The following ASCC3 variants were observed in gnomAD, a reference collection of about 807,000 sequenced individuals.
The protein encoded by ASCC3 is ASC-1 complex subunit P200.
Under a neutral mutation model 256.3 loss-of-function variants are expected in ASCC3, and 158 were observed. That is an observed-to-expected ratio of 0.62 (90% CI 0.54 to 0.70). ASCC3 has a LOEUF of 0.70. ASCC3 is among the 30% of genes least tolerant of loss of function. The pLI is 0.00. For synonymous variants in ASCC3, 948 were observed against 883.4 expected (o/e 1.07, Z -1.30); for missense variants, 2,259 against 2,626.0 (o/e 0.86, Z 3.05).
chr6:100,706,389 C>T (rs1778582500), intron 13 of ASCC3, among the ~76,000 whole-genome samples: 1 of 150,144 alleles, frequency 6.7e-6, no homozygotes, highest in Non-Finnish European at 1.5e-5. Flanking sequence ...CTTTGTTGAC[C>T]TTCTAATACA....
chr6:100,584,567 C>T (rs992897946), intron 36 of ASCC3, among the ~76,000 whole-genome samples: 1 of 152,136 alleles, frequency 6.6e-6, no homozygotes, highest in East Asian at 1.9e-4. Flanking sequence ...TTAATTGGAA[C>T]ATTTAGTCCA....
At chr6:100,781,315 A>C (rs9399691) in intron 8 of ASCC3, among the ~76,000 whole-genome samples, 143,172 of 152,232 alleles carry the variant, frequency 0.94, 67,645 homozygotes, top group South Asian at 0.99. Context: ...TTATTCACTG[A>C]AGTTGCCGCC....
chr6:100,639,465 A>G (rs1442596694), intron 24 of ASCC3, among the ~76,000 whole-genome samples: 1 of 152,200 alleles, frequency 6.6e-6, no homozygotes, highest in Non-Finnish European at 1.5e-5. Context: ...TACACCCTTG[A>G]ATTCAACAGA....
At chr6:100,756,631 T>C (rs986364902) in intron 10 of ASCC3, among the ~76,000 whole-genome samples, 2 of 152,116 alleles carry the variant, frequency 1.3e-5, no homozygotes, top group Non-Finnish European at 2.9e-5. Context: ...ACTAAGGGAA[T>C]TGAATGATGA....
intron 30 of ASCC3, among the ~76,000 whole-genome samples, chr6:100,609,353 CT>C (rs564119300): frequency 1.8e-3 from 266 of 151,878 alleles, no homozygotes; most frequent in African/African-American, 6.1e-3. Flanking sequence ...TAAATACTTC[CT>C]TATCTTACTT....
intron 1 of ASCC3, among the ~76,000 whole-genome samples, chr6:100,872,003 A>C (rs570723041): frequency 1.3e-5 from 2 of 152,326 alleles, no homozygotes; most frequent in African/African-American, 4.8e-5. Context: ...ACCCACACTG[A>C]GACACTGCAA....
In ASCC3 at chr6:100,629,113, G is replaced by C. The variant is rs777644410; in HGVS notation, c.4277C>G (p.Thr1426Ser). The change falls in exon 27 of 42, where the codon ACT (threonine) becomes AGT (serine). Residue 1426 changes from threonine (T) to serine (S), a missense_variant. Around this residue, in one of 2 missense-constraint regions of ASCC3, gnomAD observed 1,839 missense variants for 2,206.7 expected, o/e 0.83. Coordinates refer to ENST00000369162, the MANE Select transcript of ASCC3 (RefSeq NM_006828.4). Reference protein sequence around the residue: ...KSIAKADLIVTTPEKWDGVSR... With the variant: ...KSIAKADLIVSTPEKWDGVSR... ...GACTCCATCCCACTTCTCTGGCGTA[G>C]TGACGATAAGGTCAGCCTTGGCAAT... The C allele has an allele frequency of 3.4e-5, 55 of 1,613,666 alleles. No individual in the cohort carries two copies. Among genetic ancestry groups the C allele is most frequent in the Non-Finnish European group, 4.5e-5 (53 of 1,179,888 alleles).
chr6:100,782,885 T>C (rs1056398589), intron 8 of ASCC3, among the ~76,000 whole-genome samples: 7 of 151,894 alleles, frequency 4.6e-5, no homozygotes, highest in African/African-American at 9.7e-5. Flanking sequence ...AAAGAATACA[T>C]AAAATTAAAT....
intron 37 of ASCC3, among the ~76,000 whole-genome samples, chr6:100,527,249 T>C (rs1449316055): frequency 6.6e-6 from 1 of 152,186 alleles, no homozygotes; most frequent in South Asian, 2.1e-4. Flanking sequence ...CCCATCTTTT[T>C]CTCAAAATGA....
At chr6:100,735,227 T>C (rs1027082563) in intron 10 of ASCC3, among the ~76,000 whole-genome samples, 1 of 152,162 alleles carries the variant, frequency 6.6e-6, no homozygotes, top group African/African-American at 2.4e-5. Context: ...AAGACTCCAA[T>C]ATCCATTTTC....
intron 8 of ASCC3, among the ~76,000 whole-genome samples, chr6:100,770,546 AAAAT>A (rs1781867972): frequency 6.6e-6 from 1 of 152,000 alleles, no homozygotes; most frequent in Non-Finnish European, 1.5e-5. Context: ...AAGGAAGAAA[AAAAT>A]ACCTGTATTT....
chr6:100,608,118 C>CATATATATGTATATATATT (rs1773044100), intron 30 of ASCC3, among the ~76,000 whole-genome samples: 1 of 23,350 alleles, frequency 4.3e-5, no homozygotes, highest in South Asian at 1.5e-3. Flanking sequence ...GTATATATAT[C>CATATATATGTATATATATT]TATATATACA....
chr6:100,747,219 C>T (rs770432321), intron 10 of ASCC3, among the ~76,000 whole-genome samples: 1 of 150,956 alleles, frequency 6.6e-6, no homozygotes, highest in East Asian at 1.9e-4. Context: ...ATACTACACA[C>T]CAACTAGAAT....
intron 14 of ASCC3, among the ~76,000 whole-genome samples, chr6:100,667,135 G>C (rs1169712136): frequency 2.6e-5 from 4 of 152,124 alleles, no homozygotes; most frequent in African/African-American, 7.2e-5. Context: ...GCTAACATTT[G>C]GCAGGGTGCC....
chr6:100,864,097 A>C lies in ASCC3; in HGVS notation c.208T>G (p.Leu70Val). ...KSKMQSINEDLKDILHAAKQI... is the reference protein window; with the variant it reads ...KSKMQSINEDVKDILHAAKQI... ...TTTGCAGCATGTAATATATCTTTTA[A>C]GTCTTCATTTATACTTTGCATTTTA... is the stretch of plus-strand genomic sequence containing the variant. The change falls in exon 3 of 42, where the codon TTA (leucine) becomes GTA (valine). Residue 70 changes from leucine (L) to valine (V), a missense_variant. Physicochemically the swap from Leu to Val is conservative, Grantham distance 32 (BLOSUM62 1). Transcript: ENST00000369162. The C allele has an allele frequency of 6.3e-7, 1 of 1,593,806 alleles. No individual in the cohort carries two copies. Among genetic ancestry groups the C allele is most frequent in the Non-Finnish European group, 8.6e-7 (1 of 1,166,584 alleles).
rs1464033600 is a variant in ASCC3 at position 100,652,791 on chromosome 6, T to C, written c.2922A>G (p.Gly974=). 6.2e-6 allele frequency: 10 copies of C among 1,613,910 alleles called. No individual in the cohort carries two copies. The highest frequency in any genetic ancestry group is 7.6e-6 in the Non-Finnish European group (9 of 1,179,930). ...TACCCAAATCAGTTGAGGAAAAATA[T>C]CCAGTTCGCTCCTCAAAACGAATCA... ...AQMIRFEERT[G]YFSSTDLGRT... Residue 974 remains glycine, a synonymous_variant, in exon 18 of 42, where the codon GGA becomes GGG. Transcript: ENST00000369162.
At chr6:100,596,747 A>G (rs6570797) in intron 34 of ASCC3, among the ~76,000 whole-genome samples, 16,350 of 152,142 alleles carry the variant, frequency 0.11, 1,660 homozygotes, top group East Asian at 0.35. Context: ...ATCATTTACA[A>G]TATTTATTAT....
At chr6:100,736,401 T>G (rs1582783593) in intron 10 of ASCC3, among the ~76,000 whole-genome samples, 1 of 151,932 alleles carries the variant, frequency 6.6e-6, no homozygotes, top group South Asian at 2.1e-4. Flanking sequence ...ACTCAGAAGC[T>G]GAGGCAGGAG....
At chr6:100,870,337 T>C (rs1365975851) in intron 1 of ASCC3, among the ~76,000 whole-genome samples, 1 of 149,818 alleles carries the variant, frequency 6.7e-6, no homozygotes, top group African/African-American at 2.5e-5. Context: ...GCACTCCAGC[T>C]AGGGTGACAG....
Sources: allele counts gnomAD v4.1 joint callset (sites outside exome capture counted in the v4.1 genomes callset), GRCh38; gene constraint gnomAD v4.1.1; regional missense constraint gnomAD v4.1.1; transcripts MANE v1.5; gene names NCBI Gene and HGNC (gene_info 2026-07-23, HGNC 2026-07-21).